Variants in ACOXL observed in about 807,000 individuals in gnomAD.
ACOXL encodes the protein acyl-coenzyme A oxidase-like protein.
Under a neutral mutation model 71.9 loss-of-function variants are expected in ACOXL, and 70 were observed. That is an observed-to-expected ratio of 0.97 (90% CI 0.80 to 1.19). ACOXL has a LOEUF of 1.19. Ranked by LOEUF, ACOXL falls within the 50% of genes most tolerant of loss-of-function variation. The pLI is 0.00. For synonymous variants in ACOXL, 253 were observed against 281.6 expected (o/e 0.90, Z 1.02); for missense variants, 703 against 736.3 (o/e 0.95, Z 0.52).
At chr2:110,936,568 C>T (rs2060670796) in intron 12 of ACOXL, among the ~76,000 whole-genome samples, 2 of 152,130 alleles carry the variant, frequency 1.3e-5, no homozygotes, top group African/African-American at 4.8e-5. Flanking sequence ...GGTCTACCCA[C>T]ACTTTTGCCT....
chr2:111,103,028 CGCCTGTA>C (rs1452928614), intron 17 of ACOXL, among the ~76,000 whole-genome samples: 1 of 152,158 alleles, frequency 6.6e-6, no homozygotes, highest in Admixed American at 6.5e-5. Flanking sequence ...CTGTGGCTCA[CGCCTGTA>C]ATCCCAGCCC....
chr2:110,875,035 A>G (rs1470204098), intron 10 of ACOXL, among the ~76,000 whole-genome samples: 1 of 152,074 alleles, frequency 6.6e-6, no homozygotes, highest in Non-Finnish European at 1.5e-5. Flanking sequence ...AAACCCAAGC[A>G]CTGACACTAG....
intron 10 of ACOXL, among the ~76,000 whole-genome samples, chr2:110,906,041 A>G (rs1294099991): frequency 6.6e-6 from 1 of 152,124 alleles, no homozygotes; most frequent in Non-Finnish European, 1.5e-5. Flanking sequence ...TCCATTGGGA[A>G]ACTGAGGCAC....
intron 12 of ACOXL, among the ~76,000 whole-genome samples, chr2:110,947,156 G>T (rs879596591): frequency 2.0e-5 from 3 of 152,216 alleles, no homozygotes; most frequent in Non-Finnish European, 4.4e-5. Flanking sequence ...GATTAGTCAT[G>T]TGACGCAGGC....
chr2:110,983,029 G>A (rs560155194), intron 12 of ACOXL, among the ~76,000 whole-genome samples: 22 of 152,322 alleles, frequency 1.4e-4, no homozygotes, highest in Middle Eastern at 3.4e-3. Flanking sequence ...GCCCAGTGCC[G>A]TAAGTACTGC....
At chr2:110,966,784 A>G (rs898838900) in intron 12 of ACOXL, among the ~76,000 whole-genome samples, 2 of 151,908 alleles carry the variant, frequency 1.3e-5, no homozygotes, top group African/African-American at 2.4e-5. Flanking sequence ...GTGCTTCCCC[A>G]CTCCCTTCCC....
rs142262191 is a variant in ACOXL at position 110,937,103 on chromosome 2, A to G, written c.1059+3461A>G. On this transcript the variant is annotated intron_variant, in intron 12 of 17. Coordinates refer to ENST00000439055, the MANE Select transcript of ACOXL (RefSeq NM_001142807.4). ...GGGATTTTTATAGAGGCTTCATCGC[A>G]TAGGCATGATCAATTATTAACTCAG... 2.0e-3 allele frequency among the ~76,000 whole-genome samples: 302 copies of G among 152,312 alleles called. 2 individuals carry two copies. The highest frequency in any genetic ancestry group is 7.1e-3 in the African/African-American group (294 of 41,566).
At chr2:111,108,369 A>ATTTTTTTTTT (rs1173842815) in intron 17 of ACOXL, among the ~76,000 whole-genome samples, 19 of 62,068 alleles carry the variant, frequency 3.1e-4, no homozygotes, top group Non-Finnish European at 5.0e-4. Flanking sequence ...AAGTGCATGA[A>ATTTTTTTTTT]TCTTTTTTTT....
intron 14 of ACOXL, among the ~76,000 whole-genome samples, chr2:111,027,049 A>C (rs909807448): frequency 1.3e-5 from 2 of 151,984 alleles, no homozygotes; most frequent in African/African-American, 4.8e-5. Flanking sequence ...GGCACCCACC[A>C]TCACGCCCAG....
intron 16 of ACOXL, among the ~76,000 whole-genome samples, chr2:111,062,135 C>T (rs1193724625): frequency 3.3e-5 from 5 of 151,906 alleles, no homozygotes; most frequent in Non-Finnish European, 5.9e-5. Flanking sequence ...AAAAATAACA[C>T]ATCATGCAAA....
chr2:110,853,731 G>T (rs1476338029), intron 10 of ACOXL, among the ~76,000 whole-genome samples: 1 of 152,132 alleles, frequency 6.6e-6, no homozygotes, highest in East Asian at 1.9e-4. Flanking sequence ...CCAGCCCGAG[G>T]CCCTTTCTTG....
At chr2:110,759,614 C>T (rs376530422) in intron 1 of ACOXL, among the ~76,000 whole-genome samples, 28 of 152,208 alleles carry the variant, frequency 1.8e-4, no homozygotes, top group Non-Finnish European at 3.4e-4. Flanking sequence ...TGGGTCTTGG[C>T]GCTTTATCCA....
At chr2:110,981,628 T>A (rs919384743) in intron 12 of ACOXL, among the ~76,000 whole-genome samples, 1 of 152,342 alleles carries the variant, frequency 6.6e-6, no homozygotes, top group African/African-American at 2.4e-5. Flanking sequence ...TATATATGAA[T>A]GAACAAATGA....
intron 9 of ACOXL, among the ~76,000 whole-genome samples, chr2:110,826,086 T>C: frequency 6.6e-6 from 1 of 152,240 alleles, no homozygotes; most frequent in East Asian, 1.9e-4. Flanking sequence ...TAATTGCCTG[T>C]TTCCAAATTA....
chr2:111,085,318 C>T (rs1453096234), intron 16 of ACOXL, among the ~76,000 whole-genome samples: 1 of 152,168 alleles, frequency 6.6e-6, no homozygotes, highest in Non-Finnish European at 1.5e-5. Flanking sequence ...AAATTGACCA[C>T]ACAGTCAGGC....
intron 11 of ACOXL, among the ~76,000 whole-genome samples, chr2:110,915,336 T>TTATATA (rs60017192): frequency 6.7e-4 from 88 of 130,806 alleles, no homozygotes; most frequent in South Asian, 4.2e-3. Flanking sequence ...TATATGCATT[T>TTATATA]TATATATATA....
chr2:110,989,257 A>G (rs766828359), intron 13 of ACOXL, among the ~76,000 whole-genome samples: 36 of 152,140 alleles, frequency 2.4e-4, no homozygotes, highest in Non-Finnish European at 4.4e-4. Context: ...ATTCTTTTCT[A>G]GTAACCTGCA....
chr2:110,744,661 C>T (rs1441392922), intron 1 of ACOXL, among the ~76,000 whole-genome samples: 1 of 152,196 alleles, frequency 6.6e-6, no homozygotes, highest in Non-Finnish European at 1.5e-5. Context: ...CTGGAGGAAG[C>T]CATTCAGGCA....
chr2:111,079,640 C>T (rs1237100889), intron 16 of ACOXL, among the ~76,000 whole-genome samples: 1 of 152,130 alleles, frequency 6.6e-6, no homozygotes, highest in Non-Finnish European at 1.5e-5. Flanking sequence ...AGTTTTGGAG[C>T]ACTTTGAATT....
Sources: gnomAD v4.1 joint callset for allele counts (sites outside exome capture counted in the v4.1 genomes callset) on GRCh38, gnomAD v4.1.1 for gene constraint, MANE v1.5 for transcripts, NCBI Gene and HGNC (gene_info 2026-07-23, HGNC 2026-07-21) for gene names.